TCF12: variants seen among roughly 807,000 people sequenced by gnomAD.
TCF12 encodes DNA-binding protein HTF4.
Under a neutral mutation model 86.0 loss-of-function variants are expected in TCF12, and 45 were observed. The observed-to-expected ratio is 0.52, with a 90% CI of 0.41 to 0.67. The LOEUF (loss-of-function observed/expected upper bound fraction) is 0.67, where lower values mean the gene tolerates loss of function less well. Among genes scored for constraint, TCF12 ranks in the 30% least tolerant of loss-of-function variants. TCF12 has a pLI of 0.00. For missense variants in TCF12, 881 were observed against 859.9 expected, an observed-to-expected ratio of 1.02 and a Z score of -0.31; for synonymous variants, 330 against 299.6, an observed-to-expected ratio of 1.10 and a Z score of -1.05.
intron 4 of TCF12, among the ~76,000 whole-genome samples, chr15:57,069,425 A>G (rs367929965): frequency 6.6e-6 from 1 of 152,224 alleles, no homozygotes; most frequent in Non-Finnish European, 1.5e-5. Context: ...AATGTCCACC[A>G]TGGTTTTCTC....
intron 5 of TCF12, among the ~76,000 whole-genome samples, chr15:57,157,679 C>T (rs2054209646): frequency 1.3e-5 from 2 of 151,802 alleles, no homozygotes; most frequent in Admixed American, 1.3e-4. Flanking sequence ...TCTCCTGCCT[C>T]AGCCTCCCGA....
chr15:57,139,478 C>T (rs1250968402), intron 5 of TCF12, among the ~76,000 whole-genome samples: 1 of 152,142 alleles, frequency 6.6e-6, no homozygotes, highest in Non-Finnish European at 1.5e-5. Flanking sequence ...AAGACAGATT[C>T]TCTTGACTAG....
At chr15:57,214,992 G>A (rs1305634253) in intron 8 of TCF12, among the ~76,000 whole-genome samples, 19 of 152,128 alleles carry the variant, frequency 1.2e-4, no homozygotes, top group Admixed American at 1.1e-3. Flanking sequence ...TAAATAATAT[G>A]CATTGAATGC....
chr15:57,195,237 A>G (rs1449004244), intron 7 of TCF12, among the ~76,000 whole-genome samples: 1 of 152,190 alleles, frequency 6.6e-6, no homozygotes, highest in Middle Eastern at 3.2e-3. Flanking sequence ...ACTTCCCAGA[A>G]GTGGTCGGTG....
chr15:57,282,782 T>C (rs1239753581), intron 20 of TCF12, among the ~76,000 whole-genome samples, 184 bp downstream of exon 20: 1 of 152,262 alleles, frequency 6.6e-6, no homozygotes, highest in Non-Finnish European at 1.5e-5. Flanking sequence ...TGTCATTTTA[T>C]AGCAAATTGC....
At chr15:56,920,017 G>T (rs898870307) in intron 2 of TCF12, 29 bp downstream of exon 2, 1 of 1,612,946 alleles carries the variant, frequency 6.2e-7, no homozygotes, top group African/African-American at 1.3e-5. Flanking sequence ...GCATCTTGGG[G>T]TTCTGCTGAG....
intron 3 of TCF12, among the ~76,000 whole-genome samples, chr15:56,992,967 A>G (rs1311553265): frequency 6.6e-6 from 1 of 152,188 alleles, no homozygotes; most frequent in Non-Finnish European, 1.5e-5. Flanking sequence ...TTCTCACTGA[A>G]TGCATCTATA....
intron 12 of TCF12, 88 bp from the exon 13 acceptor site, chr15:57,243,384 A>C (rs998704437): frequency 1.1e-5 from 13 of 1,182,502 alleles, no homozygotes; most frequent in Admixed American, 9.3e-5. Context: ...GGTGACAACT[A>C]GATTATAAAA....
chr15:57,135,276 A>C (rs1174779099), intron 5 of TCF12, among the ~76,000 whole-genome samples: 3 of 152,208 alleles, frequency 2.0e-5, no homozygotes, highest in Non-Finnish European at 2.9e-5. Flanking sequence ...CTGTAATTGG[A>C]AAAAGAACTT....
At chr15:56,918,481 T>TCACCCGACCGCGGGCTTTGTC (rs1188171924), upstream of TCF12, 2 of 321,492 alleles carry the variant, frequency 6.2e-6, no homozygotes, top group Non-Finnish European at 1.2e-5. Flanking sequence ...CCGTCCCGCC[T>TCACCCGACCGCGGGCTTTGTC]CACCCGACCG....
chr15:57,041,230 A>G lies in TCF12; in HGVS notation c.149-22520A>G, dbSNP rs991632776. ...AGAAAGATGGGCAATTTGGCAGTCA[A>G]ACAAATTTAGCTCTGAGTGCTGGGG... On this transcript the variant is annotated intron_variant, in intron 3 of 20. Coordinates refer to ENST00000333725, the MANE Select transcript of TCF12 (RefSeq NM_207037.2). Among the ~76,000 whole-genome samples the G allele has an allele frequency of 7.2e-5, 11 of 152,334 alleles. No individual in the cohort carries two copies. In the South Asian group the frequency reaches 1.4e-3, roughly 20 times the overall value.
At chr15:57,058,157 A>G (rs555092459) in intron 3 of TCF12, among the ~76,000 whole-genome samples, 2 of 152,316 alleles carry the variant, frequency 1.3e-5, no homozygotes, top group South Asian at 2.1e-4. Flanking sequence ...ACAATTCCCA[A>G]GTCGACCCCT....
At chr15:57,173,953 G>T (rs375377660) in intron 6 of TCF12, among the ~76,000 whole-genome samples, 1 of 151,930 alleles carries the variant, frequency 6.6e-6, no homozygotes, top group Non-Finnish European at 1.5e-5. Flanking sequence ...TGATCCCCCC[G>T]CCTCAGCCTC....
At chr15:57,235,346 TTTAAAA>T (rs1289068427) in intron 12 of TCF12, among the ~76,000 whole-genome samples, 1 of 152,062 alleles carries the variant, frequency 6.6e-6, no homozygotes, top group African/African-American at 2.4e-5. Flanking sequence ...GGAACTAAGG[TTTAAAA>T]GGTGAAGTAA....
intron 13 of TCF12, among the ~76,000 whole-genome samples, chr15:57,246,642 A>C (rs2059875643): frequency 6.6e-6 from 1 of 152,060 alleles, no homozygotes; most frequent in Non-Finnish European, 1.5e-5. Flanking sequence ...TTTACAGGGC[A>C]ATATACCTGA....
chr15:57,078,835 G>T (rs188473288), intron 4 of TCF12, among the ~76,000 whole-genome samples: 25 of 152,258 alleles, frequency 1.6e-4, no homozygotes, highest in African/African-American at 6.0e-4. Flanking sequence ...ATCCATTTCG[G>T]TTATTGCTGC....
chr15:57,232,399 G>A lies in TCF12; in HGVS notation c.794G>A (p.Ser265Asn), dbSNP rs2059176071. The A allele has an allele frequency of 6.2e-7, 1 of 1,610,844 alleles. No homozygotes were observed. The highest frequency in any genetic ancestry group is 8.5e-7 in the Non-Finnish European group (1 of 1,179,072). Residue 265 changes from serine to asparagine, a missense_variant, in exon 10 of 21, where the codon AGT (serine) becomes AAT (asparagine). Ser to Asn is a conservative substitution (Grantham distance 46). Transcript: ENST00000333725. ...TSTSHMSQSS[S>N]YGNLHSHDRL... ...ACTTCCCACATGTCTCAATCCAGTA[G>A]TTATGGCAACCTTCATTCACATGAC...
intron 3 of TCF12, among the ~76,000 whole-genome samples, chr15:56,974,962 A>T (rs1739639499): frequency 6.6e-6 from 1 of 152,152 alleles, no homozygotes; most frequent in African/African-American, 2.4e-5. Flanking sequence ...AATACATTTT[A>T]AAAAATCATT....
intron 6 of TCF12, among the ~76,000 whole-genome samples, chr15:57,167,372 G>C (rs1398726326): frequency 1.3e-5 from 2 of 152,108 alleles, no homozygotes; most frequent in African/African-American, 4.8e-5. Flanking sequence ...ACCAACCTGG[G>C]CAACATAGTG....
Sources: gnomAD v4.1 joint callset for allele counts (sites outside exome capture counted in the v4.1 genomes callset) on GRCh38, gnomAD v4.1.1 for gene constraint, MANE v1.5 for transcripts, NCBI Gene and HGNC (gene_info 2026-07-23, HGNC 2026-07-21) for gene names.